The following FSIP2 variants were observed in gnomAD, a reference collection of about 807,000 sequenced individuals.
FSIP2 encodes the protein fibrous sheath interacting protein 2, also known as fibrous sheath-interacting protein 2.
FSIP2 carries 367 observed loss-of-function variants against 510.5 expected under a neutral mutation model. The ratio of observed to expected loss-of-function variants is 0.72; its 90% CI spans 0.66 to 0.78. The LOEUF (loss-of-function observed/expected upper bound fraction) is 0.78. FSIP2 is among the 30% of genes least tolerant of loss of function. The pLI is 0.00. For synonymous variants in FSIP2, 2,601 were observed against 2,732.2 expected (o/e 0.95, Z 1.50); for missense variants, 7,594 against 7,901.7 (o/e 0.96, Z 1.48).
chr2:185,830,962 A>G (rs1363916741), intron 21 of FSIP2, among the ~76,000 whole-genome samples: 3 of 151,918 alleles, frequency 2.0e-5, no homozygotes, highest in African/African-American at 7.2e-5. Flanking sequence ...TCAGTACTTT[A>G]CATTGTCTCT....
intron 7 of FSIP2, among the ~76,000 whole-genome samples, chr2:185,748,629 C>A (rs993133965): frequency 1.3e-5 from 2 of 152,052 alleles, no homozygotes; most frequent in Non-Finnish European, 2.9e-5. Flanking sequence ...AGATTCTTCT[C>A]CTTTTGCCTA....
At position 185,797,289 on chromosome 2, in the gene FSIP2, C is replaced by A; in HGVS notation, c.10153C>A (p.Gln3385Lys). The change falls in exon 16 of 23, where the codon CAG (glutamine) becomes AAG (lysine). Residue 3385 changes from glutamine (Q) to lysine (K), a missense_variant. Coordinates refer to ENST00000424728, the MANE Select transcript of FSIP2 (RefSeq NM_173651.4). ...TAACGAAAAAAGTTTGCTTAGAATG[C>A]AGGATAAAAAAATCAACTATATACC... ...KDNEKSLLRM[Q>K]DKKINYIPEE... The A allele has an allele frequency of 6.5e-7, 1 of 1,532,374 alleles. No homozygotes were observed. Among genetic ancestry groups the A allele is most frequent in the Non-Finnish European group, 8.7e-7 (1 of 1,145,620 alleles). The allele number at this position is 1,532,374 out of a possible 1,614,324, so 94.9% of individuals were successfully genotyped here.
chr2:185,795,392 G>C lies in FSIP2; in HGVS notation c.8256G>C (p.Lys2752Asn), dbSNP rs572529786. 2.0e-6 allele frequency: 3 copies of C among 1,534,728 alleles called. No individual in the cohort carries two copies. In the African/African-American group the frequency reaches 4.1e-5, roughly 21 times the overall value. The stretch of plus-strand genomic sequence containing the variant: ...TTAACATCCTAGAAACAATTGTGAA[G>C]GAATTTGGAAAGGTAAAGCAAACCA... The part of the protein sequence containing the change: ...IIINILETIV[K>N]EFGKVKQTKA... Residue 2752 changes from lysine to asparagine, a missense_variant, in exon 16 of 23, where the codon AAG becomes AAC. By Grantham distance (94) the Lys-to-Asn change is moderately conservative (BLOSUM62 0). Transcript: ENST00000424728.
In FSIP2 at chr2:185,806,163, A is replaced by G. The variant is rs746497123; in HGVS notation, c.16857A>G (p.Ser5619=). The stretch of plus-strand genomic sequence containing the variant: ...AGATTGACAATGCAAGGGAAAGCTC[A>G]TTTAAAAAAGATGACAAGCTCTTTC... ...KKKIDNARES[S]FKKDDKLFQL... The change falls in exon 17 of 23, where the codon TCA becomes TCG. Residue 5619 remains serine (S), a synonymous_variant. Coordinates refer to ENST00000424728, the MANE Select transcript of FSIP2 (RefSeq NM_173651.4). 4.4e-6 allele frequency: 7 copies of G among 1,583,738 alleles called. No homozygotes were observed. In the East Asian group the frequency reaches 1.1e-4, roughly 25 times the overall value.
chr2:185,802,656 T>C lies in FSIP2; in HGVS notation c.13350T>C (p.Ser4450=). 6.5e-7 allele frequency: 1 copy of C among 1,533,792 alleles called. No individual in the cohort carries two copies. Among genetic ancestry groups the C allele is most frequent in the Non-Finnish European group, 8.7e-7 (1 of 1,145,364 alleles). The change falls in exon 17 of 23, where the codon TCT becomes TCC. Residue 4450 remains serine (S), a synonymous_variant. Transcript: ENST00000424728. The part of the protein sequence containing the change: ...VQDILSNISK[S]TEPSQSVPLY... ...ACATCCTTAGTAACATCAGTAAATC[T>C]ACTGAGCCAAGCCAGAGTGTACCTC...
At chr2:185,746,482 C>G (rs1035352118) in intron 5 of FSIP2, among the ~76,000 whole-genome samples, 187 bp from the exon 6 acceptor site, 1 of 151,942 alleles carries the variant, frequency 6.6e-6, no homozygotes, top group Non-Finnish European at 1.5e-5. Context: ...ATAAGTAAAA[C>G]ATGGTGAGCT....
In FSIP2 at chr2:185,790,576, G is replaced by A. The variant is rs1693097655; in HGVS notation, c.3440G>A (p.Gly1147Glu). ...ASVLVSEKPQ[G>E]LSHQEWIDQM... ...GTTCTTGTTTCAGAAAAGCCTCAAG[G>A]ACTGTCACATCAAGAATGGATAGAC... Residue 1147 changes from glycine to glutamate, a missense_variant, in exon 16 of 23, where the codon GGA becomes GAA. By Grantham distance (98) the Gly-to-Glu change is moderately conservative. Transcript: ENST00000424728. 2.6e-6 allele frequency: 4 copies of A among 1,533,856 alleles called. No homozygotes were observed. Among genetic ancestry groups the A allele is most frequent in the East Asian group, 4.9e-5 (2 of 40,830 alleles).
chr2:185,802,471 C>T lies in FSIP2; in HGVS notation c.13165C>T (p.Leu4389Phe). Residue 4389 changes from leucine (L) to phenylalanine (F), a missense_variant, in exon 17 of 23, where the codon CTT becomes TTT. By Grantham distance (22) the Leu-to-Phe change is conservative. Transcript: ENST00000424728. ...TGCTTTAAAGCAGCATGGGCTAGAC[C>T]TTGCTGTTGATAAAGAGTCTGAAGA... ...RNALKQHGLD[L>F]AVDKESEDSG... 6.5e-7 allele frequency: 1 copy of T among 1,533,788 alleles called. No homozygotes were observed. The highest frequency in any genetic ancestry group is 1.4e-5 in the African/African-American group (1 of 72,968).
Position 185,803,340 on chromosome 2 carries a change from T to C in FSIP2, c.14034T>C (p.Asp4678=). The change falls in exon 17 of 23, where the codon GAT becomes GAC. Residue 4678 remains aspartate (D), a synonymous_variant. Transcript: ENST00000424728. ...CAAAAGCCCAAGTTAGCATTATAGA[T>C]AATACTGAGGAAAGACTGTGTTTAC... ...EFSKAQVSII[D]NTEERLCLPP... is the part of the protein sequence containing the mutation. 1 of 1,532,996 alleles carries C rather than the reference T, an allele frequency of 6.5e-7. No homozygotes were observed. Among genetic ancestry groups the C allele is most frequent in the Non-Finnish European group, 8.7e-7 (1 of 1,144,922 alleles). 95.0% of individuals were successfully genotyped at this position (1,532,996 alleles called of 1,614,324 possible). A position where few individuals can be genotyped will look rare whatever the true frequency, so the allele number is the denominator to read the frequency against.
intron 20 of FSIP2, among the ~76,000 whole-genome samples, chr2:185,827,627 A>C (rs1194147719): frequency 1.3e-5 from 2 of 151,860 alleles, no homozygotes; most frequent in African/African-American, 4.8e-5. Flanking sequence ...AATTCAGACA[A>C]CTTTTGGTTC....
chr2:185,779,425 T>C (rs1446926069), intron 13 of FSIP2, among the ~76,000 whole-genome samples: 2 of 152,078 alleles, frequency 1.3e-5, no homozygotes, highest in Non-Finnish European at 2.9e-5. Flanking sequence ...TACATATGTA[T>C]TTTGATATAA....
At chr2:185,750,493 ACTT>A (rs1430513913) in intron 7 of FSIP2, among the ~76,000 whole-genome samples, 1 of 150,574 alleles carries the variant, frequency 6.6e-6, no homozygotes, top group Admixed American at 6.6e-5. Flanking sequence ...GTAATTTGTA[ACTT>A]CTTTTTTCCT....
In FSIP2 at chr2:185,806,213, G is replaced by A. The variant is rs950525681; in HGVS notation, c.16907G>A (p.Arg5636Lys). The A allele has an allele frequency of 6.2e-7, 1 of 1,604,316 alleles. No individual in the cohort carries two copies. Among genetic ancestry groups the A allele is most frequent in the African/African-American group, 1.3e-5 (1 of 74,292 alleles). ...CAGTTATCCTCCTTGAAGTCCAAGAGAAATCTAGGGACTACAACAGATACT... is the reference window on the plus strand; with the variant it reads ...CAGTTATCCTCCTTGAAGTCCAAGAAAAATCTAGGGACTACAACAGATACT... ...LFQLSSLKSK[R>K]NLGTTTDTLE... Residue 5636 changes from arginine to lysine, a missense_variant, in exon 17 of 23, where the codon AGA becomes AAA. Coordinates refer to ENST00000424728, the MANE Select transcript of FSIP2 (RefSeq NM_173651.4).
Position 185,761,320 on chromosome 2 carries a change from C to T in FSIP2, c.1194+217C>T, listed in dbSNP as rs1005162439. The stretch of plus-strand genomic sequence containing the variant: ...TTTAGCAGAAAATAACCCAAACAAA[C>T]ATTTGGCAGTAATAATAATAATGAC... On this transcript the variant is annotated intron_variant, in intron 10 of 22. Coordinates refer to ENST00000424728, the MANE Select transcript of FSIP2 (RefSeq NM_173651.4). Among the ~76,000 whole-genome samples the T allele has an allele frequency of 5.3e-5, 8 of 150,990 alleles. 1 individual carries two copies. The highest frequency in any genetic ancestry group is 1.9e-4 in the African/African-American group (8 of 41,294).
Position 185,800,014 on chromosome 2 carries a change from A to C in FSIP2, c.10708A>C (p.Asn3570His), listed in dbSNP as rs1693391128. 1.3e-6 allele frequency: 2 copies of C among 1,518,316 alleles called. No individual in the cohort carries two copies. The allele number at this position is 1,518,316 out of a possible 1,614,324, so 94.1% of individuals were successfully genotyped here. Residue 3570 changes from asparagine to histidine, a missense_variant, in exon 17 of 23, where the codon AAT (asparagine) becomes CAT (histidine). Asn to His is a moderately conservative substitution (Grantham distance 68). Transcript: ENST00000424728. Reference sequence around the variant, plus strand: ...TGAAATCATTATTAAAATTCTTTTTAATAATAAAATTATACAGGCTGACAT... The same window carrying C: ...TGAAATCATTATTAAAATTCTTTTTCATAATAAAATTATACAGGCTGACAT... ...ISEIIIKILF[N>H]NKIIQADIAQ...
At position 185,791,953 on chromosome 2, in the gene FSIP2, C is replaced by A; in HGVS notation, c.4817C>A (p.Ala1606Asp). The A allele has an allele frequency of 6.5e-7, 1 of 1,533,470 alleles. No homozygotes were observed. The allele number at this position is 1,533,470 out of a possible 1,614,324, so 95.0% of individuals were successfully genotyped here. Residue 1606 changes from alanine (A) to aspartate (D), a missense_variant, in exon 16 of 23, where the codon GCT (alanine) becomes GAT (aspartate). Physicochemically the swap from Ala to Asp is moderately radical, Grantham distance 126. Transcript: ENST00000424728. ...FANGHLEILG[A>D]INDGNKKSNK... ...AACGGACATTTAGAAATTTTGGGTG[C>A]TATTAATGATGGAAATAAGAAAAGC... is the stretch of plus-strand genomic sequence containing the variant.
intron 14 of FSIP2, among the ~76,000 whole-genome samples, chr2:185,785,237 A>G (rs1411390247): frequency 1.3e-5 from 2 of 152,124 alleles, no homozygotes; most frequent in Non-Finnish European, 2.9e-5. Flanking sequence ...GACAAATGAT[A>G]GAGAACATGT....
At position 185,800,058 on chromosome 2, in the gene FSIP2, C is replaced by T. The variant is rs1026415821; in HGVS notation, c.10752C>T (p.Ala3584=). 5 of 1,530,784 alleles carry T rather than the reference C, an allele frequency of 3.3e-6. No individual in the cohort carries two copies. Among genetic ancestry groups the T allele is most frequent in the African/African-American group, 2.7e-5 (2 of 72,742 alleles). The allele number at this position is 1,530,784 out of a possible 1,614,324, so 94.8% of individuals were successfully genotyped here. Residue 3584 remains alanine, a synonymous_variant, in exon 17 of 23, where the codon GCC becomes GCT. Transcript: ENST00000424728. ...IQADIAQKMV[A]IPTKYTYCPG... ...CTGACATTGCACAGAAAATGGTTGC[C>T]ATACCTACAAAATACACTTACTGTC...
In FSIP2 at chr2:185,791,107, A is replaced by G; in HGVS notation, c.3971A>G (p.His1324Arg). ...KENLNLREID[H>R]TKSLTDKGFF... The stretch of plus-strand genomic sequence containing the variant: ...AACCTAAATCTTAGGGAGATTGACC[A>G]TACCAAATCCCTTACAGATAAAGGA... The change falls in exon 16 of 23, where the codon CAT (histidine) becomes CGT (arginine). Residue 1324 changes from histidine to arginine, a missense_variant. Physicochemically the swap from His to Arg is conservative, Grantham distance 29. Transcript: ENST00000424728. 4 of 1,531,674 alleles carry G rather than the reference A, an allele frequency of 2.6e-6. No homozygotes were observed. The highest frequency in any genetic ancestry group is 3.5e-6 in the Non-Finnish European group (4 of 1,144,192). 94.9% of individuals were successfully genotyped at this position (1,531,674 alleles called of 1,614,324 possible).
Sources: allele counts gnomAD v4.1 joint callset (sites outside exome capture counted in the v4.1 genomes callset), GRCh38; gene constraint gnomAD v4.1.1; transcripts MANE v1.5; gene names NCBI Gene and HGNC (gene_info 2026-07-23, HGNC 2026-07-21).